Variants in CCN1 observed in about 807,000 individuals in gnomAD.
CCN1 encodes CCN family member 1.
A neutral mutation model predicts 38.1 loss-of-function variants in CCN1; 12 were observed. The observed-to-expected ratio is 0.31, with a 90% CI of 0.20 to 0.51. The LOEUF (loss-of-function observed/expected upper bound fraction) is 0.51. Ranked by LOEUF, CCN1 falls within the 20% of genes least tolerant of loss-of-function variation. The probability of loss-of-function intolerance (pLI) is 0.97; values close to 1 mark genes in which losing one functional copy is unlikely to be tolerated. For missense variants in CCN1, 466 were observed against 490.9 expected (o/e 0.95, Z 0.48); for synonymous variants, 202 against 196.1 (o/e 1.03, Z -0.25).
In CCN1 at chr1:85,580,844, C is replaced by T. The variant is rs1233311717; in HGVS notation, c.-141C>T. 9.9e-6 allele frequency: 7 copies of T among 709,024 alleles called. No homozygotes were observed. The highest frequency in any genetic ancestry group is 9.4e-5 in the African/African-American group (5 of 53,452). 43.9% of individuals were successfully genotyped at this position (709,024 alleles called of 1,614,324 possible). A position where few individuals can be genotyped will look rare whatever the true frequency, so the allele number is the denominator to read the frequency against. On this transcript the variant is annotated 5_prime_UTR_variant, in exon 1 of 5. Coordinates refer to ENST00000451137, the MANE Select transcript of CCN1 (RefSeq NM_001554.5). ...GGACCTCGAGCGAAAGACGCCCGCC[C>T]GCCGCCCAGCCCTCGCCTCCCTGCC...
rs777563956 is a variant in CCN1, at chr1:85,581,399, C to G, written c.98C>G (p.Pro33Arg). Residue 33 changes from proline (P) to arginine (R), a missense_variant, in exon 2 of 5, where the codon CCC becomes CGC. Transcript: ENST00000451137. ...ACCTGCCCCGCTGCCTGCCACTGCC[C>G]CCTGGAGGCGCCCAAGTGCGCGCCG... ...LSTCPAACHC[P>R]LEAPKCAPGV... 14 of 1,603,710 alleles carry G rather than the reference C, an allele frequency of 8.7e-6. No individual in the cohort carries two copies. The African/African-American group carries it at 1.7e-4, about 20-fold the overall frequency.
rs374129714 is a variant in CCN1 at position 85,582,141 on chromosome 1, A to G, written c.491A>G (p.Asp164Gly). Residue 164 changes from aspartate to glycine, a missense_variant, in exon 3 of 5, where the codon GAC (aspartate) becomes GGC (glycine). Asp to Gly is a moderately conservative substitution (Grantham distance 94). Transcript: ENST00000451137. ...TGQCCEEWVC[D>G]EDSIKDPMED... ...CAGTGCTGCGAGGAGTGGGTCTGTG[A>G]CGAGGATAGTATCAAGGACCCCATG... The G allele has an allele frequency of 6.2e-7, 1 of 1,614,148 alleles. No individual in the cohort carries two copies. The highest frequency in any genetic ancestry group is 1.1e-5 in the South Asian group (1 of 91,076).
In CCN1 at chr1:85,581,478, G is replaced by A; in HGVS notation, c.177G>A (p.Gln59=). The change falls in exon 2 of 5, where the codon CAG becomes CAA. Residue 59 remains glutamine (Q), a synonymous_variant. Transcript: ENST00000451137. The part of the protein sequence containing the change: ...GCGCCKVCAK[Q]LNEDCSKTQP... Reference sequence around the variant, plus strand: ...GCTGCTGTAAGGTCTGCGCCAAGCAGCTCAACGAGGACTGCAGCAAAACGC... The same window carrying A: ...GCTGCTGTAAGGTCTGCGCCAAGCAACTCAACGAGGACTGCAGCAAAACGC... The A allele has an allele frequency of 6.2e-7, 1 of 1,613,176 alleles. No individual in the cohort carries two copies. The highest frequency in any genetic ancestry group is 1.1e-5 in the South Asian group (1 of 90,992).
chr1:85,581,256 A>T (rs1659784766), intron 1 of CCN1, 109 bp from the exon 2 acceptor site: 1 of 1,280,458 alleles, frequency 7.8e-7, no homozygotes, highest in South Asian at 1.5e-5. Context: ...GGACGAGATC[A>T]GAGGCTCCCC....
chr1:85,583,078 C>T lies in CCN1; in HGVS notation c.*36C>T. 6.3e-7 allele frequency: 1 copy of T among 1,580,546 alleles called. No homozygotes were observed. The highest frequency in any genetic ancestry group is 8.6e-7 in the Non-Finnish European group (1 of 1,156,522). ...GGTTTCCAGGGCACACCTAGACAAA[C>T]AAGGGAGAAGAGTGTCAGAATCAGA... On this transcript the variant is annotated 3_prime_UTR_variant, in exon 5 of 5. Transcript: ENST00000451137.
In CCN1 at chr1:85,582,682, T is replaced by C. The variant is rs377358947; in HGVS notation, c.843+58T>C. 1,480 of 1,612,462 alleles carry C rather than the reference T, an allele frequency of 9.2e-4. 22 individuals are homozygous for C. The South Asian group carries it at 0.016, about 17-fold the overall frequency. ...CTGGCAGGTGGGTGGGATGTGAACA[T>C]CTTTTTGAAGAAAGAGAAATATCAC... On this transcript the variant is annotated intron_variant, in intron 4 of 4. Transcript: ENST00000451137.
In CCN1 at chr1:85,582,416, T is replaced by C. The variant is rs533841417; in HGVS notation, c.635T>C (p.Val212Ala). 1 of 1,613,876 alleles carries C rather than the reference T, an allele frequency of 6.2e-7. No homozygotes were observed. Among genetic ancestry groups the C allele is most frequent in the East Asian group, 2.2e-5 (1 of 44,892 alleles). Residue 212 changes from valine (V) to alanine (A), a missense_variant and splice_region_variant, in exon 4 of 5, where the codon GTT (valine) becomes GCT (alanine). Val to Ala is a moderately conservative substitution (Grantham distance 64). Coordinates refer to ENST00000451137, the MANE Select transcript of CCN1 (RefSeq NM_001554.5). ...GKGSSLKRLP[V>A]FGMEPRILYN... is the part of the protein sequence containing the mutation. ...AGTCTTCCCTCTTATATGTCTCTAG[T>C]TTTTGGAATGGAGCCTCGCATCCTA...
rs1245961346 is a variant in CCN1 at position 85,582,962 on chromosome 1, A to C, written c.1066A>C (p.Asn356His). The C allele has an allele frequency of 6.2e-7, 1 of 1,614,108 alleles. No homozygotes were observed. The highest frequency in any genetic ancestry group is 1.3e-5 in the African/African-American group (1 of 74,932). ...NVMMIQSCKC[N>H]YNCPHANEAA... ...CATGATGATCCAGTCCTGCAAATGC[A>C]ACTACAACTGCCCGCATGCCAATGA... The change falls in exon 5 of 5, where the codon AAC becomes CAC. Residue 356 changes from asparagine to histidine, a missense_variant. This residue lies in a region of CCN1 where 309 missense variants were observed against 319.9 expected (regional missense o/e 0.97). Coordinates refer to ENST00000451137, the MANE Select transcript of CCN1 (RefSeq NM_001554.5).
chr1:85,582,377 G>A (rs372341929), intron 3 of CCN1, 39 bp from the exon 4 acceptor site: 26 of 1,613,438 alleles, frequency 1.6e-5, no homozygotes, highest in Middle Eastern at 1.6e-4. Context: ...GTTTGTGTCG[G>A]TATGCCTCTG....
Position 85,582,546 on chromosome 1 carries a change from C to A in CCN1, c.765C>A (p.Asn255Lys). 1 of 1,614,178 alleles carries A rather than the reference C, an allele frequency of 6.2e-7. No individual in the cohort carries two copies. The highest frequency in any genetic ancestry group is 1.1e-5 in the South Asian group (1 of 91,074). ...TCTCCACACGAGTTACCAATGACAA[C>A]CCTGAGTGCCGCCTTGTGAAAGAAA... ...TGISTRVTND[N>K]PECRLVKETR... Residue 255 changes from asparagine (N) to lysine (K), a missense_variant, in exon 4 of 5, where the codon AAC becomes AAA. Asn to Lys is a moderately conservative substitution (Grantham distance 94, BLOSUM62 0). Coordinates refer to ENST00000451137, the MANE Select transcript of CCN1 (RefSeq NM_001554.5).
chr1:85,583,116 A>T lies in CCN1; in HGVS notation c.*74A>T. The T allele has an allele frequency of 2.1e-6, 3 of 1,459,748 alleles. No individual in the cohort carries two copies. The highest frequency in any genetic ancestry group is 2.8e-6 in the Non-Finnish European group (3 of 1,063,504). The allele number at this position is 1,459,748 out of a possible 1,614,324, so 90.4% of individuals were successfully genotyped here. Reference sequence around the variant, plus strand: ...TGTCAGAATCAGAATCATGGAGAAAATGGGCGGGGGTGGTGTGGGTGATGG... The same window carrying T: ...TGTCAGAATCAGAATCATGGAGAAATTGGGCGGGGGTGGTGTGGGTGATGG... On this transcript the variant is annotated 3_prime_UTR_variant, in exon 5 of 5. Transcript: ENST00000451137.
At position 85,581,356 on chromosome 1, in the gene CCN1, C is replaced by T; in HGVS notation, c.64-9C>T. ...GCCGAGTCTCACGCGTATCTTCTCCCCCTTCCAGGCGCTCTCCACCTGCCC... is the reference window on the plus strand; with the variant it reads ...GCCGAGTCTCACGCGTATCTTCTCCTCCTTCCAGGCGCTCTCCACCTGCCC... On this transcript the variant is annotated splice_polypyrimidine_tract_variant and intron_variant, in intron 1 of 4. Transcript: ENST00000451137. The T allele has an allele frequency of 6.4e-7, 1 of 1,570,220 alleles. No individual in the cohort carries two copies.
intron 2 of CCN1, 37 bp from the exon 3 acceptor site, chr1:85,581,891 A>G: frequency 6.3e-7 from 1 of 1,584,396 alleles, no homozygotes; most frequent in South Asian, 1.1e-5. Context: ...TCTTAACTTT[A>G]TCCCCTTCTA....
chr1:85,581,919 T>C lies in CCN1; in HGVS notation c.278-9T>C. The C allele has an allele frequency of 6.2e-7, 1 of 1,612,264 alleles. No homozygotes were observed. The highest frequency in any genetic ancestry group is 1.3e-5 in the African/African-American group (1 of 75,020). On this transcript the variant is annotated splice_polypyrimidine_tract_variant and intron_variant, in intron 2 of 4. Transcript: ENST00000451137. Reference sequence around the variant, plus strand: ...CCCTTCTACCTTTCTCTTTTGGTGATCTTTGCAGCTCAGTCAGAGGGCAGA... The same window carrying C: ...CCCTTCTACCTTTCTCTTTTGGTGACCTTTGCAGCTCAGTCAGAGGGCAGA...
Position 85,581,556 on chromosome 1 carries a change from C to T in CCN1, c.255C>T (p.Thr85=), listed in dbSNP as rs1225318408. Residue 85 remains threonine (T), a synonymous_variant, in exon 2 of 5, where the codon ACC becomes ACT. Coordinates refer to ENST00000451137, the MANE Select transcript of CCN1 (RefSeq NM_001554.5). ...GLECNFGASS[T]ALKGICRAQS... Reference sequence around the variant, plus strand: ...AATGCAACTTCGGCGCCAGCTCCACCGCTCTGAAGGGGATCTGCAGAGGTA... The same window carrying T: ...AATGCAACTTCGGCGCCAGCTCCACTGCTCTGAAGGGGATCTGCAGAGGTA... 1 of 1,613,952 alleles carries T rather than the reference C, an allele frequency of 6.2e-7. No individual in the cohort carries two copies. Among genetic ancestry groups the T allele is most frequent in the Non-Finnish European group, 8.5e-7 (1 of 1,179,990 alleles).
chr1:85,582,883 G>C lies in CCN1; in HGVS notation c.987G>C (p.Arg329Ser), dbSNP rs1289470727. ...DGRCCTPQLT[R>S]TVKMRFRCED... ...GATGCTGCACGCCCCAGCTGACCAG[G>C]ACTGTGAAGATGCGGTTCCGCTGCG... The change falls in exon 5 of 5, where the codon AGG becomes AGC. Residue 329 changes from arginine to serine, a missense_variant. Arg to Ser is a moderately radical substitution (Grantham distance 110, BLOSUM62 -1). This residue lies in a region of CCN1 where 309 missense variants were observed against 319.9 expected (regional missense o/e 0.97). Transcript: ENST00000451137. 1 of 1,614,214 alleles carries C rather than the reference G, an allele frequency of 6.2e-7. No individual in the cohort carries two copies. The highest frequency in any genetic ancestry group is 2.2e-5 in the East Asian group (1 of 44,890).
chr1:85,582,008 C>G lies in CCN1; in HGVS notation c.358C>G (p.Gln120Glu), dbSNP rs1659800143. 1 of 1,614,178 alleles carries G rather than the reference C, an allele frequency of 6.2e-7. No individual in the cohort carries two copies. The highest frequency in any genetic ancestry group is 8.5e-7 in the Non-Finnish European group (1 of 1,180,032). The change falls in exon 3 of 5, where the codon CAG becomes GAG. Residue 120 changes from glutamine (Q) to glutamate (E), a missense_variant. Physicochemically the swap from Gln to Glu is conservative, Grantham distance 29. Transcript: ENST00000451137. ...GESFQPNCKH[Q>E]CTCIDGAVGC... Reference sequence around the variant, plus strand: ...AAGTTTCCAGCCCAACTGTAAACATCAGTGCACATGTATTGATGGCGCCGT... The same window carrying G: ...AAGTTTCCAGCCCAACTGTAAACATGAGTGCACATGTATTGATGGCGCCGT...
At chr1:85,581,740 C>G (rs1659795074) in intron 2 of CCN1, 162 bp downstream of exon 2, 1 of 1,119,990 alleles carries the variant, frequency 8.9e-7, no homozygotes. Flanking sequence ...GTGTCTGGGC[C>G]CAACGAAAGC....
Position 85,581,124 on chromosome 1 carries a change from G to A in CCN1, c.63+77G>A. On this transcript the variant is annotated intron_variant, in intron 1 of 4. Coordinates refer to ENST00000451137, the MANE Select transcript of CCN1 (RefSeq NM_001554.5). ...TTCCCCTGGTCCCAGATTGCCCACGGCAGGAAAAGTTAAAAAGTTCGCGAT... is the reference window on the plus strand; with the variant it reads ...TTCCCCTGGTCCCAGATTGCCCACGACAGGAAAAGTTAAAAAGTTCGCGAT... 5 of 1,486,336 alleles carry A rather than the reference G, an allele frequency of 3.4e-6. 1 individual carries two copies. Among genetic ancestry groups the A allele is most frequent in the Non-Finnish European group, 3.6e-6 (4 of 1,113,714 alleles). 92.1% of individuals were successfully genotyped at this position (1,486,336 alleles called of 1,614,324 possible).
Sources: gnomAD v4.1 joint callset for allele counts on GRCh38, gnomAD v4.1.1 for gene constraint, gnomAD v4.1.1 regional missense constraint, MANE v1.5 for transcripts, NCBI Gene and HGNC (gene_info 2026-07-23, HGNC 2026-07-21) for gene names.